DEPTOR: variants seen among roughly 807,000 people sequenced by gnomAD.
DEPTOR encodes DEP domain-containing mTOR-interacting protein.
Under a neutral mutation model 41.6 loss-of-function variants are expected in DEPTOR, and 41 were observed. The ratio of observed to expected loss-of-function variants is 0.98; its 90% CI spans 0.77 to 1.28. The LOEUF (loss-of-function observed/expected upper bound fraction) is 1.28, where lower values mean the gene tolerates loss of function less well. Among genes scored for constraint, DEPTOR ranks in the 50% most tolerant of loss-of-function variants. The pLI is 0.00. For missense variants in DEPTOR, 514 were observed against 527.9 expected (o/e 0.97, Z 0.26); for synonymous variants, 195 against 192.3 (o/e 1.01, Z -0.12).
chr8:119,951,250 C>G (rs1007819591), intron 3 of DEPTOR, among the ~76,000 whole-genome samples: 50 of 152,238 alleles, frequency 3.3e-4, no homozygotes, highest in African/African-American at 1.1e-3. Flanking sequence ...AATAACCATT[C>G]CTGTCAAATG....
At chr8:119,941,214 A>G (rs746807397) in intron 3 of DEPTOR, among the ~76,000 whole-genome samples, 5 of 151,976 alleles carry the variant, frequency 3.3e-5, no homozygotes, top group Non-Finnish European at 7.4e-5. Context: ...TCTCTACTAA[A>G]TACAAAAAAT....
At chr8:119,988,373 G>A (rs962964558) in intron 4 of DEPTOR, among the ~76,000 whole-genome samples, 9 of 152,110 alleles carry the variant, frequency 5.9e-5, no homozygotes, top group African/African-American at 1.9e-4. Flanking sequence ...GAGATGAACC[G>A]GGTACCTCAG....
chr8:119,921,777 T>TTTTTC (rs1827899144), intron 1 of DEPTOR, among the ~76,000 whole-genome samples: 1 of 150,680 alleles, frequency 6.6e-6, no homozygotes, highest in South Asian at 2.1e-4. Context: ...TGTTTGTTTT[T>TTTTTC]TGAAACAGGG....
intron 2 of DEPTOR, among the ~76,000 whole-genome samples, 193 bp from the exon 3 acceptor site, chr8:119,929,622 A>G (rs1828014096): frequency 6.6e-6 from 1 of 152,220 alleles, no homozygotes; most frequent in Non-Finnish European, 1.5e-5. Context: ...AATAATAGCT[A>G]AAAATACTGA....
Position 119,968,640 on chromosome 8 carries a change from A to G in DEPTOR, c.604+3230A>G, listed in dbSNP as rs1221518539. Among the ~76,000 whole-genome samples, 4 of 152,224 alleles carry G rather than the reference A, an allele frequency of 2.6e-5. No homozygotes were observed. In the East Asian group the frequency reaches 5.8e-4, roughly 22 times the overall value. On this transcript the variant is annotated intron_variant, in intron 4 of 8. Coordinates refer to ENST00000286234, the MANE Select transcript of DEPTOR (RefSeq NM_022783.4). Reference sequence around the variant, plus strand: ...CTTAACAAATGTTTAGATGTACAATACTATAGGGCCAGTATTTTTATTATC... The same window carrying G: ...CTTAACAAATGTTTAGATGTACAATGCTATAGGGCCAGTATTTTTATTATC...
chr8:119,903,762 G>A (rs932546867), intron 1 of DEPTOR, among the ~76,000 whole-genome samples: 8 of 152,120 alleles, frequency 5.3e-5, no homozygotes, highest in South Asian at 2.1e-4. Context: ...TTACAGCTCC[G>A]TCCTGGGCTC....
chr8:119,980,108 G>A (rs75063226), intron 4 of DEPTOR, among the ~76,000 whole-genome samples: 7,350 of 150,250 alleles, frequency 0.049, 256 homozygotes, highest in South Asian at 0.17. Flanking sequence ...AATATGCTAG[G>A]AGCCACCAAG....
At chr8:119,884,097 G>A (rs1325848926) in intron 1 of DEPTOR, among the ~76,000 whole-genome samples, 5 of 152,124 alleles carry the variant, frequency 3.3e-5, no homozygotes, top group East Asian at 1.9e-4. Flanking sequence ...TTTCTCTGTC[G>A]CCCAGCCTGG....
rs565148393 is a variant in DEPTOR, at chr8:119,946,466, G to T, written c.425+16528G>T. On this transcript the variant is annotated intron_variant, in intron 3 of 8. Coordinates refer to ENST00000286234, the MANE Select transcript of DEPTOR (RefSeq NM_022783.4). Reference sequence around the variant, plus strand: ...TTTTTTTAATGTTCTCTGAGGCCGGGTGCAGTGGCTCATGCCTGTAATCCC... The same window carrying T: ...TTTTTTTAATGTTCTCTGAGGCCGGTTGCAGTGGCTCATGCCTGTAATCCC... 5.3e-5 allele frequency among the ~76,000 whole-genome samples: 8 copies of T among 151,400 alleles called. No individual in the cohort carries two copies. In the East Asian group the frequency reaches 1.6e-3, roughly 29 times the overall value.
intron 3 of DEPTOR, among the ~76,000 whole-genome samples, chr8:119,964,900 C>T (rs1255893023): frequency 1.3e-5 from 2 of 151,972 alleles, no homozygotes; most frequent in Non-Finnish European, 2.9e-5. Context: ...ATGGAGAAAA[C>T]CTGTCGCTAC....
At chr8:119,889,851 GT>G (rs1484900880) in intron 1 of DEPTOR, among the ~76,000 whole-genome samples, 6 of 152,052 alleles carry the variant, frequency 3.9e-5, no homozygotes, top group African/African-American at 1.5e-4. Context: ...CAGTAGCTCA[GT>G]ACAGTATGAA....
chr8:120,027,615 G>C (rs1812818832), intron 8 of DEPTOR, among the ~76,000 whole-genome samples: 1 of 151,600 alleles, frequency 6.6e-6, no homozygotes, highest in East Asian at 1.9e-4. Context: ...TGAGGAAGGA[G>C]AATCACTGGA....
intron 3 of DEPTOR, among the ~76,000 whole-genome samples, chr8:119,949,361 T>G (rs1052440668): frequency 1.3e-5 from 2 of 152,226 alleles, no homozygotes; most frequent in African/African-American, 4.8e-5. Context: ...TGTGGATATA[T>G]GTTTTCATTT....
chr8:119,928,831 T>C (rs1159440771), intron 2 of DEPTOR, among the ~76,000 whole-genome samples: 1 of 151,676 alleles, frequency 6.6e-6, no homozygotes, highest in Non-Finnish European at 1.5e-5. Flanking sequence ...CTTTGGGTGA[T>C]CTGCCCGCCT....
rs1046378964 is a variant in DEPTOR, at chr8:119,926,235, A to G, written c.123-2165A>G. Among the ~76,000 whole-genome samples, 32 of 152,300 alleles carry G rather than the reference A, an allele frequency of 2.1e-4. 1 individual carries two copies. Among genetic ancestry groups the G allele is most frequent in the African/African-American group, 7.0e-4 (29 of 41,570 alleles). Reference sequence around the variant, plus strand: ...GGCAAATGAAGCCTAGTCTGGCTCCAAGCACATGGGTTGAAGTATCTTCTG... The same window carrying G: ...GGCAAATGAAGCCTAGTCTGGCTCCGAGCACATGGGTTGAAGTATCTTCTG... On this transcript the variant is annotated intron_variant, in intron 1 of 8. Coordinates refer to ENST00000286234, the MANE Select transcript of DEPTOR (RefSeq NM_022783.4).
At position 119,881,439 on chromosome 8, in the gene DEPTOR, G is replaced by T. The variant is rs1156675608; in HGVS notation, c.122+7471G>T. Among the ~76,000 whole-genome samples the T allele has an allele frequency of 4.6e-5, 7 of 151,886 alleles. No homozygotes were observed. In the South Asian group the frequency reaches 1.2e-3, roughly 27 times the overall value. On this transcript the variant is annotated intron_variant, in intron 1 of 8. Transcript: ENST00000286234. ...CTCTGGAGGCTGAGGCAGGAGAATC[G>T]CTTGAACCAGGAAGGCAGAGGTTGC... is the stretch of plus-strand genomic sequence containing the variant.
intron 3 of DEPTOR, among the ~76,000 whole-genome samples, chr8:119,963,191 T>G (rs1270306267): frequency 1.3e-5 from 2 of 152,088 alleles, no homozygotes; most frequent in African/African-American, 4.8e-5. Context: ...GGACTGAATC[T>G]CAAGGAATTC....
At chr8:120,015,864 A>C (rs1812602817) in intron 8 of DEPTOR, among the ~76,000 whole-genome samples, 1 of 152,054 alleles carries the variant, frequency 6.6e-6, no homozygotes, top group South Asian at 2.1e-4. Context: ...TTGCCCTCCC[A>C]CCCTAGCCTT....
At position 120,020,332 on chromosome 8, in the gene DEPTOR, C is replaced by T. The variant is rs182808406; in HGVS notation, c.1101+11199C>T. 1.4e-3 allele frequency among the ~76,000 whole-genome samples: 208 copies of T among 152,316 alleles called. 1 individual carries two copies. Among genetic ancestry groups the T allele is most frequent in the Admixed American group, 7.5e-3 (114 of 15,290 alleles). ...CTGACCTCAAGTGATCCACCTGCTT[C>T]AGTCTCCCAAAGTGCTGGGATTACA... On this transcript the variant is annotated intron_variant, in intron 8 of 8. Transcript: ENST00000286234.
Sources: allele counts gnomAD v4.1 joint callset (sites outside exome capture counted in the v4.1 genomes callset), GRCh38; gene constraint gnomAD v4.1.1; transcripts MANE v1.5; gene names NCBI Gene and HGNC (gene_info 2026-07-23, HGNC 2026-07-21).